Variants in ANK2 observed in about 807,000 individuals in gnomAD.
ANK2 encodes the protein ankyrin 2.
In ANK2, 83 loss-of-function variants were observed where a neutral mutation model predicts 360.5. The observed-to-expected ratio is 0.23, with a 90% confidence interval of 0.19 to 0.28. The LOEUF (loss-of-function observed/expected upper bound fraction) is 0.28. Ranked by LOEUF, ANK2 falls within the 10% of genes least tolerant of loss-of-function variation. ANK2 has a pLI of 1.00. For missense variants in ANK2, 4,201 were observed against 4,795.7 expected (o/e 0.88, Z 3.66); for synonymous variants, 1,740 against 1,759.5 (o/e 0.99, Z 0.28).
chr4:113,315,798 C>T (rs1281121788), intron 24 of ANK2, among the ~76,000 whole-genome samples: 2 of 147,544 alleles, frequency 1.4e-5, no homozygotes, highest in Non-Finnish European at 3.0e-5. Context: ...ACTCGGGAGG[C>T]TGAGGCAGGA....
intron 2 of ANK2, among the ~76,000 whole-genome samples, chr4:113,006,193 T>A (rs2052779776): frequency 6.6e-6 from 1 of 152,162 alleles, no homozygotes; most frequent in Non-Finnish European, 1.5e-5. Flanking sequence ...ATAAAAATGA[T>A]AAACAGTTGA....
intron 2 of ANK2, among the ~76,000 whole-genome samples, chr4:112,926,793 A>G (rs1015851993): frequency 1.3e-5 from 2 of 152,242 alleles, no homozygotes; most frequent in African/African-American, 4.8e-5. Flanking sequence ...AACCAGCTTT[A>G]CATATATTAG....
At position 113,268,924 on chromosome 4, in the gene ANK2, C is replaced by G. The variant is rs1586684876; in HGVS notation, c.1485+3929C>G. ...GCTAATTACTGCCTCAATTTTAGAACTTGTTATTGGTCTATTCAGGGATTC... is the reference window on the plus strand; with the variant it reads ...GCTAATTACTGCCTCAATTTTAGAAGTTGTTATTGGTCTATTCAGGGATTC... On this transcript the variant is annotated intron_variant, in intron 14 of 45. Transcript: ENST00000357077. Among the ~76,000 whole-genome samples, 5 of 152,244 alleles carry G rather than the reference C, an allele frequency of 3.3e-5. No homozygotes were observed. In the South Asian group the frequency reaches 1.0e-3, roughly 32 times the overall value.
chr4:113,026,282 C>A (rs1366742042), intron 2 of ANK2, among the ~76,000 whole-genome samples: 1 of 152,098 alleles, frequency 6.6e-6, no homozygotes, highest in Non-Finnish European at 1.5e-5. Context: ...TATATGAGAT[C>A]TCCTGACTTC....
At chr4:113,242,732 T>G (rs866704132) in intron 9 of ANK2, among the ~76,000 whole-genome samples, 1 of 152,190 alleles carries the variant, frequency 6.6e-6, no homozygotes, top group African/African-American at 2.4e-5. Context: ...TTATGTCATT[T>G]TGGTAGAAGT....
chr4:113,296,615 A>T (rs1213298742), intron 22 of ANK2, among the ~76,000 whole-genome samples: 2 of 152,208 alleles, frequency 1.3e-5, no homozygotes, highest in Admixed American at 1.3e-4. Context: ...AACTTCTGAG[A>T]CATTTTGGAA....
At chr4:113,183,525 G>T (rs960794630) in intron 2 of ANK2, among the ~76,000 whole-genome samples, 1 of 152,120 alleles carries the variant, frequency 6.6e-6, no homozygotes, top group Admixed American at 6.5e-5. Context: ...ATAAAATAAC[G>T]ATAAAGACTA....
chr4:113,356,957 T>C lies in ANK2; in HGVS notation c.8339T>C (p.Met2780Thr), dbSNP rs1282116598. The change falls in exon 38 of 46, where the codon ATG becomes ACG. Residue 2780 changes from methionine (M) to threonine (T), a missense_variant. This residue lies in a region of ANK2 where 2,642 missense variants were observed against 2,714.5 expected (regional missense o/e 0.97). Coordinates refer to ENST00000357077, the MANE Select transcript of ANK2 (RefSeq NM_001148.6). ...TGTGATGGCCATGGATGTGAGGCCA[T>C]GAGTCCTAGCAGCTCAGCTGCTCCT... ...KICDGHGCEAMSPSSSAAPVS... is the reference protein window; with the variant it reads ...KICDGHGCEATSPSSSAAPVS... The C allele has an allele frequency of 4.3e-6, 7 of 1,613,978 alleles. No individual in the cohort carries two copies. The highest frequency in any genetic ancestry group is 2.2e-5 in the South Asian group (2 of 91,090).
chr4:113,352,235 T>G (rs967691832), intron 37 of ANK2, among the ~76,000 whole-genome samples: 2 of 152,236 alleles, frequency 1.3e-5, no homozygotes, highest in African/African-American at 4.8e-5. Flanking sequence ...TGGGTTGCCA[T>G]GCATCACATT....
Position 112,853,460 on chromosome 4 carries a change from C to A in ANK2, c.-40+35196C>A, listed in dbSNP as rs535885345. On this transcript the variant is annotated intron_variant, in intron 1 of 30. Transcript: ENST00000503271. ...AAAGCAATCCTCCTGCCTTGGCCTTCCAAAGTTCTGTGATTACAAGTGTGA... is the reference window on the plus strand; with the variant it reads ...AAAGCAATCCTCCTGCCTTGGCCTTACAAAGTTCTGTGATTACAAGTGTGA... Among the ~76,000 whole-genome samples the A allele has an allele frequency of 2.6e-5, 4 of 152,126 alleles. No individual in the cohort carries two copies. The East Asian group carries it at 7.7e-4, about 29-fold the overall frequency.
At chr4:112,908,174 A>G (rs762753864) in intron 2 of ANK2, among the ~76,000 whole-genome samples, 2 of 152,228 alleles carry the variant, frequency 1.3e-5, no homozygotes, top group Non-Finnish European at 2.9e-5. Context: ...GTTAAACTGG[A>G]GTATGAAGAA....
In ANK2 at chr4:113,378,067, C is replaced by T. The variant is rs552259104; in HGVS notation, c.11860-3390C>T. ...GTCTATAGTTTATGATGAGCTTTGT[C>T]TTTTCTTTTCTTCTTACTTCAGGCT... On this transcript the variant is annotated intron_variant, in intron 45 of 45. Transcript: ENST00000357077. 98 of 1,172,600 alleles carry T rather than the reference C, an allele frequency of 8.4e-5. 2 individuals are homozygous for T. In the South Asian group the frequency reaches 1.2e-3, roughly 15 times the overall value. 72.6% of individuals were successfully genotyped at this position (1,172,600 alleles called of 1,614,324 possible).
chr4:112,816,532 C>T (rs1464679552), upstream of ANK2, among the ~76,000 whole-genome samples: 2 of 151,658 alleles, frequency 1.3e-5, no homozygotes, highest in Admixed American at 1.3e-4. Context: ...ATATTGATTA[C>T]AATATCAAAT....
intron 2 of ANK2, among the ~76,000 whole-genome samples, chr4:113,012,025 G>GCAACAA (rs772945705): frequency 6.6e-6 from 1 of 151,790 alleles, no homozygotes; most frequent in Non-Finnish European, 1.5e-5. Context: ...ATGTTTAAAA[G>GCAACAA]CAACAACAAC....
the ANK2 span, among the ~76,000 whole-genome samples, chr4:112,780,827 C>A: frequency 6.6e-6 from 1 of 152,104 alleles, no homozygotes; most frequent in Non-Finnish European, 1.5e-5. Context: ...ATGATCCAAT[C>A]ATCTCCCACT....
the ANK2 span, among the ~76,000 whole-genome samples, chr4:112,753,284 G>A: frequency 1.3e-5 from 2 of 152,144 alleles, no homozygotes; most frequent in African/African-American, 2.4e-5. Flanking sequence ...ACAGTTGAGC[G>A]GACTAGATAG....
the ANK2 span, among the ~76,000 whole-genome samples, chr4:112,808,321 C>A: frequency 1.3e-5 from 2 of 152,192 alleles, no homozygotes; most frequent in East Asian, 1.9e-4. Flanking sequence ...ATGAAGACAG[C>A]AAAAATCATG....
At chr4:112,959,669 T>C (rs1376304585) in intron 2 of ANK2, among the ~76,000 whole-genome samples, 2 of 152,212 alleles carry the variant, frequency 1.3e-5, no homozygotes, top group Non-Finnish European at 2.9e-5. Flanking sequence ...TATTGATGTG[T>C]AGGAATATAT....
Position 113,357,850 on chromosome 4 carries a change from A to T in ANK2, c.9232A>T (p.Thr3078Ser). 6.2e-7 allele frequency: 1 copy of T among 1,614,072 alleles called. No individual in the cohort carries two copies. Among genetic ancestry groups the T allele is most frequent in the Non-Finnish European group, 8.5e-7 (1 of 1,179,960 alleles). Residue 3078 changes from threonine (T) to serine (S), a missense_variant, in exon 38 of 46, where the codon ACC becomes TCC. Thr to Ser is a moderately conservative substitution (Grantham distance 58). Transcript: ENST00000357077. ...GLMVDRQSQG[T>S]TPDTTPARTP... Reference sequence around the variant, plus strand: ...GATGGTAGACAGACAATCACAGGGTACCACCCCTGACACCACTCCTGCTAG... The same window carrying T: ...GATGGTAGACAGACAATCACAGGGTTCCACCCCTGACACCACTCCTGCTAG...
Sources: gnomAD v4.1 joint callset for allele counts (sites outside exome capture counted in the v4.1 genomes callset) on GRCh38, gnomAD v4.1.1 for gene constraint, gnomAD v4.1.1 regional missense constraint, MANE v1.5 for transcripts, NCBI Gene and HGNC (gene_info 2026-07-23, HGNC 2026-07-21) for gene names.